GOLGB1: variants seen among roughly 807,000 people sequenced by gnomAD.
The protein encoded by GOLGB1 is golgin B1.
GOLGB1 carries 174 observed loss-of-function variants against 336.9 expected under a neutral mutation model. The ratio of observed to expected loss-of-function variants is 0.52; its 90% CI spans 0.46 to 0.59. The LOEUF (loss-of-function observed/expected upper bound fraction) is 0.59, where lower values mean the gene tolerates loss of function less well. Ranked by LOEUF, GOLGB1 falls within the 20% of genes least tolerant of loss-of-function variation. The pLI is 0.00. For missense variants in GOLGB1, 3,331 were observed against 3,645.3 expected (o/e 0.91, Z 2.22); for synonymous variants, 1,208 against 1,289.2 (o/e 0.94, Z 1.35).
intron 15 of GOLGB1, among the ~76,000 whole-genome samples, chr3:121,680,522 A>C (rs1940953182): frequency 6.6e-6 from 1 of 152,244 alleles, no homozygotes; most frequent in Non-Finnish European, 1.5e-5. Context: ...AACTGAATGG[A>C]AATTTTAGAA....
chr3:121,693,749 G>A lies in GOLGB1; in HGVS notation c.6774C>T (p.Asn2258=). Residue 2258 remains asparagine, a synonymous_variant, in exon 13 of 22, where the codon AAC becomes AAT. Transcript: ENST00000614479. ...ATTCACTACTCATTTACCTGGAAAT[G>A]TTAATCTTTAATTCTTCCATATGGA... ...MSIHMEELKI[N]ISRLEHDKQI... The A allele has an allele frequency of 6.3e-7, 1 of 1,596,624 alleles. No homozygotes were observed. Among genetic ancestry groups the A allele is most frequent in the Non-Finnish European group, 8.6e-7 (1 of 1,168,610 alleles).
At chr3:121,679,143 C>T (rs1940768902) in intron 15 of GOLGB1, among the ~76,000 whole-genome samples, 1 of 152,194 alleles carries the variant, frequency 6.6e-6, no homozygotes, top group African/African-American at 2.4e-5. Context: ...CCAACTAAGG[C>T]TGAGCAACCC....
intron 5 of GOLGB1, among the ~76,000 whole-genome samples, chr3:121,725,558 T>A (rs532576519): frequency 7.9e-5 from 12 of 152,166 alleles, no homozygotes; most frequent in Admixed American, 4.6e-4. Flanking sequence ...GGTGCAGGAA[T>A]GAGCTAAGAC....
chr3:121,727,311 TATATATATA>T (rs1269801145), intron 4 of GOLGB1, among the ~76,000 whole-genome samples: 1 of 37,988 alleles, frequency 2.6e-5, no homozygotes, highest in Non-Finnish European at 7.0e-5. Flanking sequence ...TATATATATA[TATATATATA>T]TTTTTTTTTT....
At chr3:121,686,774 T>G (rs1297762586) in intron 14 of GOLGB1, among the ~76,000 whole-genome samples, 1 of 152,034 alleles carries the variant, frequency 6.6e-6, no homozygotes, top group Non-Finnish European at 1.5e-5. Context: ...AAGAAGAGGA[T>G]CTGAGCTCTG....
At chr3:121,698,998 A>C in intron 12 of GOLGB1, 69 bp from the exon 13 acceptor site, 2 of 1,191,592 alleles carry the variant, frequency 1.7e-6, no homozygotes, top group Non-Finnish European at 2.3e-6. Context: ...AGCCCAACTA[A>C]AAACTTGTAT....
chr3:121,733,167 C>CA (rs1247440913), intron 1 of GOLGB1, among the ~76,000 whole-genome samples: 1 of 150,482 alleles, frequency 6.6e-6, no homozygotes, highest in African/African-American at 2.4e-5. Context: ...ACTAAAAATA[C>CA]AAAAAATTAG....
chr3:121,710,267 CAT>C (rs1944240425), intron 10 of GOLGB1, among the ~76,000 whole-genome samples: 1 of 151,908 alleles, frequency 6.6e-6, no homozygotes. Flanking sequence ...ATACCAATCA[CAT>C]ACAAACTCTC....
chr3:121,715,493 G>C (rs374192466), intron 9 of GOLGB1, among the ~76,000 whole-genome samples: 1 of 150,854 alleles, frequency 6.6e-6, no homozygotes, highest in African/African-American at 2.4e-5. Flanking sequence ...TGCTGGAATA[G>C]CAGGCGTGGG....
At chr3:121,679,665 A>G (rs2107654391) in intron 15 of GOLGB1, among the ~76,000 whole-genome samples, 1 of 152,346 alleles carries the variant, frequency 6.6e-6, no homozygotes, top group African/African-American at 2.4e-5. Flanking sequence ...TAAGCTAGGT[A>G]CATTCTTGGC....
chr3:121,669,073 C>G, intron 18 of GOLGB1, 139 bp downstream of exon 18: 2 of 797,142 alleles, frequency 2.5e-6, no homozygotes, highest in Non-Finnish European at 4.0e-6. Context: ...ATTCCCATCT[C>G]AATTAACTCT....
chr3:121,705,296 G>T (rs928762291), intron 10 of GOLGB1, among the ~76,000 whole-genome samples: 1 of 152,108 alleles, frequency 6.6e-6, no homozygotes, highest in African/African-American at 2.4e-5. Context: ...TTTGTAAAAA[G>T]ATACAGCTCA....
intron 3 of GOLGB1, among the ~76,000 whole-genome samples, chr3:121,729,662 C>A (rs1255022238): frequency 6.6e-6 from 1 of 152,090 alleles, no homozygotes; most frequent in Non-Finnish European, 1.5e-5. Flanking sequence ...AGAAATCCTC[C>A]CATCTCAGCC....
chr3:121,729,631 G>C (rs1251437339), intron 3 of GOLGB1, among the ~76,000 whole-genome samples: 1 of 151,950 alleles, frequency 6.6e-6, no homozygotes, highest in East Asian at 1.9e-4. Flanking sequence ...TGCCCAGGCT[G>C]ATCTCGAACT....
intron 15 of GOLGB1, among the ~76,000 whole-genome samples, chr3:121,680,596 G>A (rs1647934890): frequency 6.6e-6 from 1 of 152,106 alleles, no homozygotes; most frequent in African/African-American, 2.4e-5. Context: ...AATGGAGGTA[G>A]GAAGCAGAGA....
intron 1 of GOLGB1, among the ~76,000 whole-genome samples, chr3:121,740,679 A>C (rs1029407641): frequency 6.6e-5 from 10 of 152,302 alleles, no homozygotes; most frequent in Admixed American, 2.0e-4. Context: ...GTTTATTTTT[A>C]AAAAATGTAA....
Position 121,696,629 on chromosome 3 carries a change from T to C in GOLGB1, c.3894A>G (p.Glu1298=). The C allele has an allele frequency of 1.9e-6, 3 of 1,614,172 alleles. No individual in the cohort carries two copies. Among genetic ancestry groups the C allele is most frequent in the Non-Finnish European group, 2.5e-6 (3 of 1,180,002 alleles). Reference sequence around the variant, plus strand: ...TTCCGCCCTGCAGAGCACTCGCATCTTCAGAATGAGAAGGCCAGTCTGGGC... The same window carrying C: ...TTCCGCCCTGCAGAGCACTCGCATCCTCAGAATGAGAAGGCCAGTCTGGGC... ...NLCPDWPSHS[E]DASALQGGTS... Residue 1298 remains glutamate (E), a synonymous_variant, in exon 13 of 22, where the codon GAA becomes GAG. Transcript: ENST00000614479.
At position 121,698,438 on chromosome 3, in the gene GOLGB1, T is replaced by G. The variant is rs746460498; in HGVS notation, c.2085A>C (p.Lys695Asn). The change falls in exon 13 of 22, where the codon AAA becomes AAC. Residue 695 changes from lysine (K) to asparagine (N), a missense_variant. By Grantham distance (94) the Lys-to-Asn change is moderately conservative. Transcript: ENST00000614479. ...QCHQDELERL[K>N]SQILELELNF... is the part of the protein sequence containing the mutation. ...TTAGCTCGAGCTCCAAAATTTGACT[T>G]TTTAACCTTTCCAACTCATCCTGAT... The G allele has an allele frequency of 9.9e-6, 16 of 1,613,840 alleles. No homozygotes were observed. The South Asian group carries it at 1.6e-4, about 17-fold the overall frequency.
Position 121,698,692 on chromosome 3 carries a change from T to G in GOLGB1, c.1831A>C (p.Ile611Leu), listed in dbSNP as rs1247534265. The G allele has an allele frequency of 6.2e-7, 1 of 1,613,872 alleles. No individual in the cohort carries two copies. The highest frequency in any genetic ancestry group is 1.1e-5 in the South Asian group (1 of 91,072). ...KEMKQMEGEG[I>L]APIKMKVFLE... ...AATACTTTCATTTTAATTGGAGCTATTCCCTCACCCTCCATCTGTTTCATT... is the reference window on the plus strand; with the variant it reads ...AATACTTTCATTTTAATTGGAGCTAGTCCCTCACCCTCCATCTGTTTCATT... The change falls in exon 13 of 22, where the codon ATA becomes CTA. Residue 611 changes from isoleucine (I) to leucine (L), a missense_variant. Coordinates refer to ENST00000614479, the MANE Select transcript of GOLGB1 (RefSeq NM_001366282.2).
Sources: allele counts gnomAD v4.1 joint callset (sites outside exome capture counted in the v4.1 genomes callset), GRCh38; gene constraint gnomAD v4.1.1; transcripts MANE v1.5; gene names NCBI Gene and HGNC (gene_info 2026-07-23, HGNC 2026-07-21).